The following CAST variants were observed in gnomAD, a reference collection of about 807,000 sequenced individuals.
CAST encodes MIR583 host.
A neutral mutation model predicts 119.6 loss-of-function variants in CAST; 76 were observed. The observed-to-expected ratio is 0.64, with a 90% confidence interval of 0.53 to 0.77. The LOEUF (loss-of-function observed/expected upper bound fraction) is 0.77. CAST is among the 30% of genes least tolerant of loss of function. The probability of loss-of-function intolerance (pLI) is 0.00; values close to 1 mark genes in which losing one functional copy is unlikely to be tolerated. For missense variants in CAST, 953 were observed against 946.5 expected (o/e 1.01, Z -0.09); for synonymous variants, 319 against 331.6 (o/e 0.96, Z 0.41).
At chr5:96,035,177 G>A in the CAST span, among the ~76,000 whole-genome samples, 1 of 129,864 alleles carries the variant, frequency 7.7e-6, no homozygotes, top group African/African-American at 2.9e-5. Context: ...ATATTTTGAA[G>A]TATATATATA....
the CAST span, chr5:96,408,144 G>T: frequency 1.0e-6 from 1 of 995,860 alleles, no homozygotes; most frequent in Non-Finnish European, 1.6e-6. Context: ...CTGTAACCAT[G>T]TATTCAGAAA....
chr5:96,258,291 A>G, the CAST span, among the ~76,000 whole-genome samples: 5 of 152,176 alleles, frequency 3.3e-5, no homozygotes, highest in Non-Finnish European at 7.4e-5. Context: ...TCACTGTTTC[A>G]GAGGCAGGTC....
the CAST span, among the ~76,000 whole-genome samples, chr5:96,084,381 T>G: frequency 1.3e-5 from 2 of 152,114 alleles, no homozygotes; most frequent in South Asian, 2.1e-4. Flanking sequence ...AAAGAGGGAT[T>G]GGGATTCTTC....
At chr5:96,200,829 A>AGAC in the CAST span, among the ~76,000 whole-genome samples, 247 of 152,294 alleles carry the variant, frequency 1.6e-3, 1 homozygote, top group African/African-American at 5.6e-3. Context: ...GCACAGCACT[A>AGAC]GACACCCTTA....
At chr5:96,321,292 C>G in the CAST span, among the ~76,000 whole-genome samples, 5 of 152,192 alleles carry the variant, frequency 3.3e-5, no homozygotes, top group South Asian at 2.1e-4. Context: ...CACCCCAACC[C>G]CACTCCAACT....
chr5:96,394,654 C>T, the CAST span, among the ~76,000 whole-genome samples: 7 of 152,060 alleles, frequency 4.6e-5, no homozygotes, highest in Non-Finnish European at 5.9e-5. Flanking sequence ...CTTTTGAATT[C>T]ATTAATTGTG....
the CAST span, among the ~76,000 whole-genome samples, chr5:96,390,039 G>A: frequency 6.6e-6 from 1 of 152,148 alleles, no homozygotes; most frequent in Non-Finnish European, 1.5e-5. Flanking sequence ...AGTCCTATTT[G>A]GTGAAATGTT....
At chr5:96,114,283 A>G in the CAST span, among the ~76,000 whole-genome samples, 2 of 152,186 alleles carry the variant, frequency 1.3e-5, no homozygotes, top group African/African-American at 4.8e-5. Context: ...GTGGACCAGC[A>G]ATGTCTACAA....
the CAST span, among the ~76,000 whole-genome samples, chr5:96,313,624 G>A: frequency 1.3e-5 from 2 of 152,142 alleles, no homozygotes; most frequent in Non-Finnish European, 2.9e-5. Flanking sequence ...TCCATATGCA[G>A]GTTTTTATGT....
intron 22 of CAST, 133 bp from the exon 23 acceptor site, chr5:96,757,311 G>A (rs150424022): frequency 1.9e-4 from 160 of 835,430 alleles, no homozygotes; most frequent in Non-Finnish European, 2.7e-4. Context: ...AGAATCCTTC[G>A]TGACATGATG....
At chr5:96,561,786 G>GGTTTTTTTTTTTTTTTA (rs1189100090) in intron 1 of CAST, among the ~76,000 whole-genome samples, 1 of 105,432 alleles carries the variant, frequency 9.5e-6, no homozygotes, top group Non-Finnish European at 1.9e-5. Flanking sequence ...TTATATATAT[G>GGTTTTTTTTTTTTTTTA]TTTTTTTTTG....
the CAST span, among the ~76,000 whole-genome samples, chr5:96,097,891 T>G: frequency 6.6e-6 from 1 of 152,180 alleles, no homozygotes; most frequent in East Asian, 1.9e-4. Context: ...TCTTTAGTCT[T>G]TAAGGAATCA....
chr5:96,030,761 T>G, the CAST span, among the ~76,000 whole-genome samples: 469 of 152,250 alleles, frequency 3.1e-3, 2 homozygotes, highest in South Asian at 0.016. Flanking sequence ...AAAACCATTT[T>G]TGGGCTATGT....
At chr5:96,425,305 A>G in the CAST span, among the ~76,000 whole-genome samples, 1 of 152,238 alleles carries the variant, frequency 6.6e-6, no homozygotes, top group African/African-American at 2.4e-5. Flanking sequence ...TTTGGTAACT[A>G]TCTTAAAGGT....
At chr5:96,227,892 TA>T in the CAST span, among the ~76,000 whole-genome samples, 1 of 152,128 alleles carries the variant, frequency 6.6e-6, no homozygotes, top group Non-Finnish European at 1.5e-5. Context: ...CAACAATGTG[TA>T]AGGGCAAGTA....
At chr5:96,634,312 G>A (rs1029574010) in intron 1 of CAST, among the ~76,000 whole-genome samples, 4 of 152,194 alleles carry the variant, frequency 2.6e-5, no homozygotes, top group Non-Finnish European at 4.4e-5. Flanking sequence ...CATTGATTGT[G>A]CACATCATCT....
At chr5:96,567,256 T>C (rs1746483690) in intron 1 of CAST, among the ~76,000 whole-genome samples, 1 of 152,194 alleles carries the variant, frequency 6.6e-6, no homozygotes. Flanking sequence ...ACTCTCCTAG[T>C]TAAGAAGAGA....
the CAST span, among the ~76,000 whole-genome samples, chr5:96,114,886 C>T: frequency 2.6e-5 from 4 of 152,170 alleles, no homozygotes; most frequent in South Asian, 4.1e-4. Context: ...GTTTCTGAGT[C>T]AGTTTGGATT....
chr5:96,337,571 C>A, the CAST span, among the ~76,000 whole-genome samples: 2 of 152,132 alleles, frequency 1.3e-5, no homozygotes, highest in African/African-American at 4.8e-5. Context: ...CCTGTGATTC[C>A]ACACATGTTT....
Sources: allele counts gnomAD v4.1 joint callset (sites outside exome capture counted in the v4.1 genomes callset), GRCh38; gene constraint gnomAD v4.1.1; transcripts MANE v1.5; gene names NCBI Gene and HGNC (gene_info 2026-07-23, HGNC 2026-07-21).